The following CNTN5 variants were observed in gnomAD, a reference collection of about 807,000 sequenced individuals.
CNTN5 encodes the protein contactin 5.
In CNTN5, 77 loss-of-function variants were observed where a neutral mutation model predicts 129.1. The ratio of observed to expected loss-of-function variants is 0.60; its 90% CI spans 0.50 to 0.72. CNTN5 has a LOEUF of 0.72. Among genes scored for constraint, CNTN5 ranks in the 30% least tolerant of loss-of-function variants. The pLI is 0.00. For missense variants in CNTN5, 1,478 were observed against 1,328.8 expected, an observed-to-expected ratio of 1.11 and a Z score of -1.75; for synonymous variants, 509 against 465.6, an observed-to-expected ratio of 1.09 and a Z score of -1.20.
At chr11:100,154,437 G>C (rs1313298158) in intron 13 of CNTN5, among the ~76,000 whole-genome samples, 1 of 152,102 alleles carries the variant, frequency 6.6e-6, no homozygotes, top group Non-Finnish European at 1.5e-5. Context: ...GGGCATTTGG[G>C]TTGGTTCCAA....
chr11:100,223,828 T>A (rs1949316832), intron 15 of CNTN5, among the ~76,000 whole-genome samples: 1 of 152,172 alleles, frequency 6.6e-6, no homozygotes, highest in Non-Finnish European at 1.5e-5. Context: ...ATTGTAAATA[T>A]CAACCAGATC....
chr11:99,128,099 T>A (rs750280837), intron 1 of CNTN5, among the ~76,000 whole-genome samples: 12 of 152,180 alleles, frequency 7.9e-5, no homozygotes, highest in Non-Finnish European at 1.6e-4. Flanking sequence ...AACTGTCCAC[T>A]GTCATGGAAA....
chr11:100,034,326 G>A (rs1051340086), intron 9 of CNTN5, among the ~76,000 whole-genome samples: 3 of 152,160 alleles, frequency 2.0e-5, no homozygotes, highest in African/African-American at 7.2e-5. Flanking sequence ...ATCTAACTGT[G>A]TAAGCCACAA....
intron 18 of CNTN5, among the ~76,000 whole-genome samples, chr11:100,291,625 T>C (rs2138863124): frequency 6.6e-6 from 1 of 151,810 alleles, no homozygotes; most frequent in South Asian, 2.1e-4. Context: ...GGGGGAGGGA[T>C]AGCATTGGGA....
At chr11:99,753,691 CTTT>C (rs370112097) in intron 3 of CNTN5, among the ~76,000 whole-genome samples, 3 of 113,372 alleles carry the variant, frequency 2.6e-5, no homozygotes, top group Admixed American at 2.1e-4. Context: ...AAATCACTTC[CTTT>C]TTTTTTTTTT....
At chr11:100,148,374 T>C (rs952338112) in intron 13 of CNTN5, among the ~76,000 whole-genome samples, 2 of 152,190 alleles carry the variant, frequency 1.3e-5, no homozygotes, top group African/African-American at 2.4e-5. Flanking sequence ...TGTGAAAAGT[T>C]TGTATATTTT....
chr11:99,131,249 G>GAAAAAAAAAAAAAAAAAAAAA (rs71046664), intron 1 of CNTN5, among the ~76,000 whole-genome samples: 3 of 67,190 alleles, frequency 4.5e-5, no homozygotes, highest in Non-Finnish European at 7.3e-5. Flanking sequence ...CTCCATCTCA[G>GAAAAAAAAAAAAAAAAAAAAA]AAAAAAAAAA....
chr11:99,462,422 ACTT>A (rs1261428971), intron 2 of CNTN5, among the ~76,000 whole-genome samples: 2 of 140,564 alleles, frequency 1.4e-5, no homozygotes, highest in East Asian at 2.0e-4. Context: ...TTCTAGAGAG[ACTT>A]CTTCAATTGT....
At chr11:99,225,348 G>A (rs1860626118) in intron 1 of CNTN5, among the ~76,000 whole-genome samples, 1 of 152,076 alleles carries the variant, frequency 6.6e-6, no homozygotes, top group Non-Finnish European at 1.5e-5. Context: ...AAAGGCTATT[G>A]CCTTTTTGTG....
chr11:99,159,085 A>G (rs1055106382), intron 1 of CNTN5, among the ~76,000 whole-genome samples: 4 of 152,222 alleles, frequency 2.6e-5, no homozygotes, highest in Non-Finnish European at 5.9e-5. Context: ...GATTTCTCAC[A>G]TAAAGCATGG....
chr11:99,421,773 A>C (rs1374539395), intron 2 of CNTN5, among the ~76,000 whole-genome samples: 1 of 152,136 alleles, frequency 6.6e-6, no homozygotes, highest in African/African-American at 2.4e-5. Flanking sequence ...TAATTTAGAA[A>C]TTTGAGTAAA....
intron 2 of CNTN5, among the ~76,000 whole-genome samples, chr11:99,528,549 G>T (rs569460104): frequency 1.9e-4 from 29 of 152,316 alleles, no homozygotes; most frequent in Non-Finnish European, 2.8e-4. Flanking sequence ...GTCACCAAAA[G>T]AGCTGAGATC....
chr11:99,988,475 A>G (rs1385269192), intron 8 of CNTN5, among the ~76,000 whole-genome samples: 1 of 152,226 alleles, frequency 6.6e-6, no homozygotes, highest in Non-Finnish European at 1.5e-5. Context: ...CTGAAGAATG[A>G]TAAAACTTTA....
chr11:100,311,481 T>C (rs556685238), intron 21 of CNTN5, among the ~76,000 whole-genome samples: 13 of 152,024 alleles, frequency 8.6e-5, no homozygotes, highest in African/African-American at 3.1e-4. Context: ...GAACTATAAC[T>C]ATGGGAAATC....
intron 1 of CNTN5, among the ~76,000 whole-genome samples, chr11:99,037,095 G>C (rs879625125): frequency 2.0e-5 from 3 of 152,198 alleles, no homozygotes; most frequent in Non-Finnish European, 2.9e-5. Flanking sequence ...CCAATGAAGA[G>C]AAGATAATTT....
intron 3 of CNTN5, among the ~76,000 whole-genome samples, chr11:99,637,232 C>T (rs997970384): frequency 4.6e-5 from 7 of 151,472 alleles, no homozygotes; most frequent in African/African-American, 1.5e-4. Flanking sequence ...AAACCATTAG[C>T]TATGAGTAAA....
At position 100,170,873 on chromosome 11, in the gene CNTN5, G is replaced by A. The variant is rs183912889; in HGVS notation, c.1581-20253G>A. The stretch of plus-strand genomic sequence containing the variant: ...ACTTTAAGATAGAAAAGAAATTATA[G>A]AAGGTATCCTGAAACAAAAACAAAA... On this transcript the variant is annotated intron_variant, in intron 13 of 24. Coordinates refer to ENST00000524871, the MANE Select transcript of CNTN5 (RefSeq NM_014361.4). 3.5e-3 allele frequency among the ~76,000 whole-genome samples: 519 copies of A among 146,362 alleles called. 3 individuals carry two copies. Among genetic ancestry groups the A allele is most frequent in the Admixed American group, 8.1e-3 (117 of 14,464 alleles).
intron 13 of CNTN5, among the ~76,000 whole-genome samples, chr11:100,095,329 G>T (rs981174239): frequency 2.0e-5 from 3 of 152,070 alleles, no homozygotes; most frequent in Non-Finnish European, 2.9e-5. Flanking sequence ...TTGAGGGGAA[G>T]AAATTAAAGT....
intron 3 of CNTN5, among the ~76,000 whole-genome samples, chr11:99,601,133 T>C (rs914398907): frequency 1.3e-5 from 2 of 152,240 alleles, no homozygotes; most frequent in Non-Finnish European, 2.9e-5. Context: ...ATTTGTTAAA[T>C]AAATTTCTGA....
Sources: allele counts gnomAD v4.1 joint callset (sites outside exome capture counted in the v4.1 genomes callset), GRCh38; gene constraint gnomAD v4.1.1; transcripts MANE v1.5; gene names NCBI Gene and HGNC (gene_info 2026-07-23, HGNC 2026-07-21).